Variants in REG3G observed in about 807,000 individuals in gnomAD.
REG3G encodes the protein regenerating islet-derived protein 3-gamma.
In REG3G, 19 loss-of-function variants were observed where a neutral mutation model predicts 20.9. The observed-to-expected ratio is 0.91, with a 90% confidence interval of 0.64 to 1.34. The LOEUF (loss-of-function observed/expected upper bound fraction) is 1.34. REG3G is among the 40% of genes most tolerant of loss of function. REG3G has a pLI of 0.00. For synonymous variants in REG3G, 89 were observed against 77.4 expected (o/e 1.15, Z -0.79); for missense variants, 235 against 205.0 (o/e 1.15, Z -0.89).
At position 79,026,262 on chromosome 2, in the gene REG3G, C is replaced by G. The variant is rs1347049847; in HGVS notation, c.76+93C>G. 4.7e-6 allele frequency: 6 copies of G among 1,274,476 alleles called. No homozygotes were observed. The South Asian group carries it at 6.1e-5, about 13-fold the overall frequency. The allele number at this position is 1,274,476 out of a possible 1,614,324, so 78.9% of individuals were successfully genotyped here. A position where few individuals can be genotyped will look rare whatever the true frequency, so the allele number is the denominator to read the frequency against. On this transcript the variant is annotated intron_variant, in intron 2 of 5. Coordinates refer to ENST00000272324, the MANE Select transcript of REG3G (RefSeq NM_001008387.3). ...TCCTGTGTGTCACGTGAGGTAATGACGTGGTGTCTAATGAAACTGCCTGCA... is the reference window on the plus strand; with the variant it reads ...TCCTGTGTGTCACGTGAGGTAATGAGGTGGTGTCTAATGAAACTGCCTGCA...
chr2:79,027,778 T>C (rs1671661615), intron 4 of REG3G, 29 bp from the exon 5 acceptor site: 2 of 1,613,336 alleles, frequency 1.2e-6, no homozygotes, highest in Non-Finnish European at 1.7e-6. Flanking sequence ...GGCCATTTTC[T>C]TCACCTGGCT....
At position 79,027,826 on chromosome 2, in the gene REG3G, A is replaced by T. The variant is rs549967250; in HGVS notation, c.353A>T (p.Asp118Val). Residue 118 changes from aspartate to valine, a missense_variant, in exon 5 of 6, where the codon GAT (aspartate) becomes GTT (valine). Physicochemically the swap from Asp to Val is radical, Grantham distance 152. Coordinates refer to ENST00000272324, the MANE Select transcript of REG3G (RefSeq NM_001008387.3). ...CTATAGGGCTCTGAGCCTGATGGAG[A>T]TGGATGGGAGTGGAGTAGCACTGAT... Reference protein sequence around the residue: ...DPTQGSEPDGDGWEWSSTDVM... With the variant: ...DPTQGSEPDGVGWEWSSTDVM... 1 of 1,613,956 alleles carries T rather than the reference A, an allele frequency of 6.2e-7. No individual in the cohort carries two copies. Among genetic ancestry groups the T allele is most frequent in the African/African-American group, 1.3e-5 (1 of 75,012 alleles).
rs1362407770 is a variant in REG3G at position 79,028,268 on chromosome 2, A to G, written c.520A>G (p.Lys174Glu). 3.7e-6 allele frequency: 6 copies of G among 1,611,674 alleles called. No homozygotes were observed. In the Admixed American group the frequency reaches 8.3e-5, roughly 22 times the overall value. Residue 174 changes from lysine (K) to glutamate (E), a missense_variant, in exon 6 of 6, where the codon AAG (lysine) becomes GAG (glutamate). By Grantham distance (56) the Lys-to-Glu change is moderately conservative (BLOSUM62 1). Transcript: ENST00000272324. The part of the protein sequence containing the change: ...DAKLPYVCKF[K>E]D Reference sequence around the variant, plus strand: ...AAAGTTACCCTATGTCTGCAAGTTCAAGGACTAGGGCAGGTGGGAAGTCAG... The same window carrying G: ...AAAGTTACCCTATGTCTGCAAGTTCGAGGACTAGGGCAGGTGGGAAGTCAG...
chr2:79,025,924 C>T, intron 1 of REG3G, 59 bp from the exon 2 acceptor site: 1 of 649,608 alleles, frequency 1.5e-6, no homozygotes, highest in Non-Finnish European at 2.7e-6. Flanking sequence ...GGTGAGTACA[C>T]AGATTCACAG....
rs1671628342 is a variant in REG3G, at chr2:79,026,722, C to T, written c.86C>T (p.Thr29Ile). 3 of 1,613,416 alleles carry T rather than the reference C, an allele frequency of 1.9e-6. No individual in the cohort carries two copies. The highest frequency in any genetic ancestry group is 1.6e-4 in the Middle Eastern group (1 of 6,064). The change falls in exon 3 of 6, where the codon ACC (threonine) becomes ATC (isoleucine). Residue 29 changes from threonine to isoleucine, a missense_variant. Transcript: ENST00000272324. The part of the protein sequence containing the change: ...ILLCQVQGEE[T>I]QKELPSPRIS... ...TTTTCTTCCACCCCAGGTGAAGAAA[C>T]CCAGAAGGAACTGCCCTCTCCACGG...
Position 79,028,485 on chromosome 2 carries a change from A to G in REG3G, c.*209A>G. Reference sequence around the variant, plus strand: ...TCTTGAGATCTCAGAGAATAATAATAAAAATGTTACTTTATACGTATATGC... The same window carrying G: ...TCTTGAGATCTCAGAGAATAATAATGAAAATGTTACTTTATACGTATATGC... On this transcript the variant is annotated 3_prime_UTR_variant, in exon 6 of 6. Coordinates refer to ENST00000272324, the MANE Select transcript of REG3G (RefSeq NM_001008387.3). 1.9e-6 allele frequency: 1 copy of G among 514,176 alleles called. No homozygotes were observed. 31.9% of individuals were successfully genotyped at this position (514,176 alleles called of 1,614,324 possible).
Position 79,025,985 on chromosome 2 carries a change from C to T in REG3G, c.-109C>T. On this transcript the variant is annotated splice_region_variant and 5_prime_UTR_variant, in exon 2 of 6. Transcript: ENST00000272324. ...GAATGTGACCAAGATCACTTCAGTC[C>T]TAGGGGACTACAGAAGGAAAAAGAC... 2.0e-6 allele frequency: 2 copies of T among 1,019,380 alleles called. No homozygotes were observed. The highest frequency in any genetic ancestry group is 3.9e-5 in the Admixed American group (2 of 51,260). The allele number at this position is 1,019,380 out of a possible 1,614,324, so 63.1% of individuals were successfully genotyped here.
In REG3G at chr2:79,027,923, A is replaced by G. The variant is rs144413564; in HGVS notation, c.450A>G (p.Ser150=). The G allele has an allele frequency of 6.0e-5, 97 of 1,614,070 alleles. No individual in the cohort carries two copies. In the African/African-American group the frequency reaches 1.2e-3, roughly 20 times the overall value. The part of the protein sequence containing the change: ...ILNPGHCGSL[S]RSTGFLKWKD... ...ACCCTGGCCACTGTGGGAGCCTGTCAAGAAGCACAGGTAAGAAACAGAAGA... is the reference window on the plus strand; with the variant it reads ...ACCCTGGCCACTGTGGGAGCCTGTCGAGAAGCACAGGTAAGAAACAGAAGA... Residue 150 remains serine (S), a synonymous_variant, in exon 5 of 6, where the codon TCA becomes TCG. Coordinates refer to ENST00000272324, the MANE Select transcript of REG3G (RefSeq NM_001008387.3).
At position 79,027,891 on chromosome 2, in the gene REG3G, A is replaced by G. The variant is rs766750797; in HGVS notation, c.418A>G (p.Ile140Val). The change falls in exon 5 of 6, where the codon ATC becomes GTC. Residue 140 changes from isoleucine to valine, a missense_variant. Physicochemically the swap from Ile to Val is conservative, Grantham distance 29. Coordinates refer to ENST00000272324, the MANE Select transcript of REG3G (RefSeq NM_001008387.3). ...YFAWEKNPST[I>V]LNPGHCGSLS... is the part of the protein sequence containing the mutation. ...TGCATGGGAGAAAAATCCCTCCACC[A>G]TCTTAAACCCTGGCCACTGTGGGAG... 1.2e-5 allele frequency: 20 copies of G among 1,613,956 alleles called. No individual in the cohort carries two copies. The highest frequency in any genetic ancestry group is 6.6e-5 in the South Asian group (6 of 91,090).
chr2:79,028,136 A>G, intron 5 of REG3G, 73 bp from the exon 6 acceptor site: 1 of 1,319,954 alleles, frequency 7.6e-7, no homozygotes. Flanking sequence ...ATCCTAGGCT[A>G]AAACCTGGGA....
rs185941694 is a variant in REG3G, at chr2:79,027,242, C to G, written c.333+71C>G. 28 of 1,513,478 alleles carry G rather than the reference C, an allele frequency of 1.9e-5. 2 individuals carry two copies. In the Middle Eastern group the frequency reaches 3.5e-3, roughly 192 times the overall value. The allele number at this position is 1,513,478 out of a possible 1,614,324, so 93.8% of individuals were successfully genotyped here. A position where few individuals can be genotyped will look rare whatever the true frequency, so the allele number is the denominator to read the frequency against. ...GTTGCCCAGGCGCACTCCCTGTCCC[C>G]AGTCCCTGCCCAGGAAGTACTTTAG... is the stretch of plus-strand genomic sequence containing the variant. On this transcript the variant is annotated intron_variant, in intron 4 of 5. Transcript: ENST00000272324.
chr2:79,027,311 G>A, intron 4 of REG3G, 140 bp downstream of exon 4: 5 of 902,896 alleles, frequency 5.5e-6, no homozygotes, highest in Non-Finnish European at 8.5e-6. Flanking sequence ...GGGAGAATAG[G>A]AAGTCCATGA....
At position 79,028,308 on chromosome 2, in the gene REG3G, C is replaced by T. The variant is rs371491266; in HGVS notation, c.*32C>T. On this transcript the variant is annotated 3_prime_UTR_variant, in exon 6 of 6. Coordinates refer to ENST00000272324, the MANE Select transcript of REG3G (RefSeq NM_001008387.3). ...TGGGAAGTCAGCAGCCTGAGCTTGG[C>T]GTGCAGCTCATCATGGACATGAGAC... 24 of 1,443,828 alleles carry T rather than the reference C, an allele frequency of 1.7e-5. No individual in the cohort carries two copies. Among genetic ancestry groups the T allele is most frequent in the Admixed American group, 6.7e-5 (4 of 59,748 alleles). 89.4% of individuals were successfully genotyped at this position (1,443,828 alleles called of 1,614,324 possible). A position where few individuals can be genotyped will look rare whatever the true frequency, so the allele number is the denominator to read the frequency against.
rs1486214606 is a variant in REG3G, at chr2:79,026,818, G to C, written c.182G>C (p.Trp61Ser). Residue 61 changes from tryptophan to serine, a missense_variant, in exon 3 of 6, where the codon TGG becomes TCG. Physicochemically the swap from Trp to Ser is radical, Grantham distance 177. Transcript: ENST00000272324. Reference protein sequence around the residue: ...CYALFLSPKSWMDADLACQKR... With the variant: ...CYALFLSPKSSMDADLACQKR... Reference sequence around the variant, plus strand: ...GCCTTGTTTTTGTCACCAAAATCCTGGATGGATGCAGATGTGAGTGGTTAG... The same window carrying C: ...GCCTTGTTTTTGTCACCAAAATCCTCGATGGATGCAGATGTGAGTGGTTAG... 6.2e-7 allele frequency: 1 copy of C among 1,611,828 alleles called. No homozygotes were observed. Among genetic ancestry groups the C allele is most frequent in the African/African-American group, 1.4e-5 (1 of 74,028 alleles).
At position 79,026,039 on chromosome 2, in the gene REG3G, C is replaced by T. The variant is rs893623475; in HGVS notation, c.-55C>T. 3.2e-6 allele frequency: 5 copies of T among 1,551,296 alleles called. No individual in the cohort carries two copies. The highest frequency in any genetic ancestry group is 4.5e-5 in the East Asian group (2 of 44,406). ...AGGCAGTAGGATATCTGTGTGTCCT[C>T]CCGCTGACCACACTTCCTTTAGTGA... On this transcript the variant is annotated 5_prime_UTR_variant, in exon 2 of 6. Coordinates refer to ENST00000272324, the MANE Select transcript of REG3G (RefSeq NM_001008387.3).
At chr2:79,026,956 C>T in intron 3 of REG3G, 78 bp from the exon 4 acceptor site, 1 of 1,575,388 alleles carries the variant, frequency 6.3e-7, no homozygotes, top group Non-Finnish European at 8.7e-7. Context: ...TTCACACAGT[C>T]CTCCTCCCAC....
intron 4 of REG3G, among the ~76,000 whole-genome samples, 162 bp from the exon 5 acceptor site, chr2:79,027,645 G>C (rs77260235): frequency 0.03 from 4,584 of 152,260 alleles, 93 homozygotes; most frequent in Non-Finnish European, 0.049. Flanking sequence ...GCAATGAGGA[G>C]TTAAGGAAAA....
Position 79,026,849 on chromosome 2 carries a change from G to A in REG3G, c.195+18G>A. 6.5e-7 allele frequency: 1 copy of A among 1,543,860 alleles called. No homozygotes were observed. The highest frequency in any genetic ancestry group is 8.8e-7 in the Non-Finnish European group (1 of 1,138,804). ...ATGCAGATGTGAGTGGTTAGATGTG[G>A]GGTTGGAGGTGATAGGGGAAAGTCC... On this transcript the variant is annotated intron_variant, in intron 3 of 5. Transcript: ENST00000272324.
At position 79,028,351 on chromosome 2, in the gene REG3G, C is replaced by T; in HGVS notation, c.*75C>T. The T allele has an allele frequency of 1.0e-6, 1 of 984,006 alleles. No individual in the cohort carries two copies. The highest frequency in any genetic ancestry group is 1.7e-5 in the Admixed American group (1 of 58,244). The allele number at this position is 984,006 out of a possible 1,614,324, so 61.0% of individuals were successfully genotyped here. On this transcript the variant is annotated 3_prime_UTR_variant, in exon 6 of 6. Coordinates refer to ENST00000272324, the MANE Select transcript of REG3G (RefSeq NM_001008387.3). ...CATGAGACCAGTGTGAAGACTCACC[C>T]TGGAAGAGAATATTCTCCCCAAACT...
Sources: allele counts gnomAD v4.1 joint callset (sites outside exome capture counted in the v4.1 genomes callset), GRCh38; gene constraint gnomAD v4.1.1; transcripts MANE v1.5; gene names NCBI Gene and HGNC (gene_info 2026-07-23, HGNC 2026-07-21).